Variants in ME3 observed in about 807,000 individuals in gnomAD.
ME3 encodes the protein NADP-dependent malic enzyme, mitochondrial.
ME3 carries 48 observed loss-of-function variants against 68.9 expected under a neutral mutation model. The observed-to-expected ratio is 0.70, with a 90% CI of 0.55 to 0.89. The LOEUF (loss-of-function observed/expected upper bound fraction) is 0.89, where lower values mean the gene tolerates loss of function less well. Ranked by LOEUF, ME3 falls within the 40% of genes least tolerant of loss-of-function variation. The pLI is 0.00. For synonymous variants in ME3, 320 were observed against 318.8 expected (o/e 1.00, Z -0.04); for missense variants, 675 against 797.4 (o/e 0.85, Z 1.85).
chr11:86,441,472 G>A (rs1317077986), intron 14 of ME3, 32 bp from the exon 15 acceptor site: 3 of 1,546,084 alleles, frequency 1.9e-6, no homozygotes, highest in Admixed American at 3.9e-5. Context: ...TAAGGAACCG[G>A]ATCTAAGGGG....
intron 3 of ME3, 26 bp downstream of exon 3, chr11:86,559,664 A>G: frequency 6.3e-7 from 1 of 1,597,492 alleles, no homozygotes; most frequent in African/African-American, 1.3e-5. Flanking sequence ...AGGACCAGAC[A>G]GAGAGAACAG....
intron 2 of ME3, among the ~76,000 whole-genome samples, chr11:86,570,902 T>C (rs1033924509): frequency 6.6e-6 from 1 of 152,174 alleles, no homozygotes; most frequent in Admixed American, 6.5e-5. Flanking sequence ...ACAACAAAAG[T>C]TCTGCATTCA....
chr11:86,449,897 T>C, exon 10 of ME3: 1 of 1,612,590 alleles, frequency 6.2e-7, no homozygotes, highest in South Asian at 1.1e-5. Flanking sequence ...ACCTTGACAA[T>C]GAGCCCTTTA....
At chr11:86,456,887 T>G (rs1949968395) in intron 8 of ME3, among the ~76,000 whole-genome samples, 1 of 152,190 alleles carries the variant, frequency 6.6e-6, no homozygotes, top group Non-Finnish European at 1.5e-5. Context: ...AACAACTCCA[T>G]GAAGTAGGGA....
At chr11:86,492,983 C>T (rs2138976758) in intron 6 of ME3, among the ~76,000 whole-genome samples, 1 of 152,280 alleles carries the variant, frequency 6.6e-6, no homozygotes, top group Non-Finnish European at 1.5e-5. Flanking sequence ...CAGTGGCAGT[C>T]CCACCTACCA....
At chr11:86,595,787 C>T (rs1422553743) in intron 2 of ME3, among the ~76,000 whole-genome samples, 1 of 152,210 alleles carries the variant, frequency 6.6e-6, no homozygotes, top group Non-Finnish European at 1.5e-5. Flanking sequence ...GCACAGGGTG[C>T]AGTGCTCTTG....
chr11:86,439,823 A>G (rs1452138), downstream of ME3, among the ~76,000 whole-genome samples: 68,166 of 152,092 alleles, frequency 0.45, 15,596 homozygotes, highest in Middle Eastern at 0.5. Context: ...TGTAGCAGCG[A>G]TACAGAGGAA....
chr11:86,564,807 C>A (rs1957400713), intron 2 of ME3, among the ~76,000 whole-genome samples: 1 of 151,930 alleles, frequency 6.6e-6, no homozygotes, highest in South Asian at 2.1e-4. Context: ...AGCTATGACA[C>A]CAAAAGGGCT....
At chr11:86,532,134 TC>T (rs1955296083) in intron 4 of ME3, among the ~76,000 whole-genome samples, 1 of 151,892 alleles carries the variant, frequency 6.6e-6, no homozygotes, top group Non-Finnish European at 1.5e-5. Context: ...ACAAAGAAGA[TC>T]ATTATATAAT....
intron 2 of ME3, among the ~76,000 whole-genome samples, chr11:86,587,697 C>G (rs923134633): frequency 2.6e-5 from 4 of 152,190 alleles, no homozygotes; most frequent in South Asian, 2.1e-4. Flanking sequence ...TGTGAGCAAG[C>G]ATCCTCCCCA....
chr11:86,662,143 C>T (rs762831616), intron 2 of ME3, among the ~76,000 whole-genome samples: 5 of 152,182 alleles, frequency 3.3e-5, no homozygotes, highest in Non-Finnish European at 5.9e-5. Context: ...AAGGCCACAG[C>T]ACATCAGACT....
At chr11:86,442,717 T>A (rs1949068061) in intron 14 of ME3, 104 bp downstream of exon 14, 1 of 926,982 alleles carries the variant, frequency 1.1e-6, no homozygotes, top group African/African-American at 1.6e-5. Flanking sequence ...CTCAAGGAGA[T>A]CCAGTGTCTC....
chr11:86,651,064 C>A (rs1304127045), intron 2 of ME3, among the ~76,000 whole-genome samples: 3 of 152,230 alleles, frequency 2.0e-5, no homozygotes, highest in African/African-American at 7.2e-5. Flanking sequence ...CCCGCCATTG[C>A]TGAGGCTTGA....
rs140010390 is a variant in ME3, at chr11:86,532,589, C to T, written c.468-23722G>A. 3.4e-3 allele frequency among the ~76,000 whole-genome samples: 512 copies of T among 152,050 alleles called. 4 individuals carry two copies. The highest frequency in any genetic ancestry group is 0.014 in the Middle Eastern group (4 of 294). ...GGAGGAATTTTGGAAAATTGAAATA[C>T]GTGGAAATTAAACAACATTCTCTGA... is the stretch of plus-strand genomic sequence containing the variant. On this transcript the variant is annotated intron_variant, in intron 4 of 14. Coordinates refer to ENST00000543262, the Ensembl canonical transcript of ME3.
intron 2 of ME3, chr11:86,668,117 A>G (rs577036210): frequency 6.6e-6 from 1 of 152,294 alleles, no homozygotes; most frequent in South Asian, 2.1e-4. Flanking sequence ...AAATCAGTCT[A>G]TGCAGTTGTG....
In ME3 at chr11:86,488,449, A is replaced by G. The variant is rs371559819; in HGVS notation, c.706-1009T>C. Among the ~76,000 whole-genome samples, 4 of 151,706 alleles carry G rather than the reference A, an allele frequency of 2.6e-5. No individual in the cohort carries two copies. In the South Asian group the frequency reaches 8.3e-4, roughly 32 times the overall value. On this transcript the variant is annotated intron_variant, in intron 6 of 14. Transcript: ENST00000543262. ...ACTGAATACCTACCATGTGCCTCAC[A>G]TTGTGCTGGGCCCTGGGGATACAAG...
At chr11:86,577,298 C>T in intron 2 of ME3, among the ~76,000 whole-genome samples, 1 of 152,222 alleles carries the variant, frequency 6.6e-6, no homozygotes, top group East Asian at 1.9e-4. Flanking sequence ...ATGCACACAC[C>T]TCCTAGGGTC....
intron 4 of ME3, among the ~76,000 whole-genome samples, chr11:86,535,875 C>G (rs1955616022): frequency 6.6e-6 from 1 of 152,180 alleles, no homozygotes; most frequent in Non-Finnish European, 1.5e-5. Context: ...CTTCTTCTAT[C>G]TATCCACTAC....
At chr11:86,659,216 C>T (rs1467247641) in intron 2 of ME3, among the ~76,000 whole-genome samples, 1 of 152,174 alleles carries the variant, frequency 6.6e-6, no homozygotes, top group Non-Finnish European at 1.5e-5. Context: ...TTGCAACATA[C>T]GTTGTTTAAT....
Sources: allele counts gnomAD v4.1 joint callset (sites outside exome capture counted in the v4.1 genomes callset), GRCh38; gene constraint gnomAD v4.1.1; transcripts MANE v1.5; gene names NCBI Gene and HGNC (gene_info 2026-07-23, HGNC 2026-07-21).